LDAH: variants seen among roughly 807,000 people sequenced by gnomAD.
LDAH encodes lipid droplet associated hydrolase, also known as lipid droplet-associated hydrolase.
LDAH carries 26 observed loss-of-function variants against 29.6 expected under a neutral mutation model. That is an observed-to-expected ratio of 0.88 (90% CI 0.64 to 1.22). The LOEUF (loss-of-function observed/expected upper bound fraction) is 1.22, where lower values mean the gene tolerates loss of function less well. LDAH is among the 50% of genes most tolerant of loss of function. The pLI, the probability that LDAH is intolerant of heterozygous loss-of-function variation, is 0.00. For missense variants in LDAH, 344 were observed against 387.3 expected (o/e 0.89, Z 0.94); for synonymous variants, 117 against 133.0 (o/e 0.88, Z 0.83).
intron 1 of LDAH, among the ~76,000 whole-genome samples, chr2:20,822,253 T>C (rs912310208): frequency 5.9e-5 from 9 of 152,012 alleles, no homozygotes; most frequent in African/African-American, 2.2e-4. Flanking sequence ...GTCTCCCGAG[T>C]AGCTGGGACT....
At chr2:20,730,321 T>C (rs181736861) in intron 5 of LDAH, among the ~76,000 whole-genome samples, 2 of 151,814 alleles carry the variant, frequency 1.3e-5, no homozygotes. Flanking sequence ...ATATCAGGGA[T>C]GAATGCCTAG....
chr2:20,805,277 C>T lies in LDAH; in HGVS notation c.-2-3812G>A, dbSNP rs549354810. 1.2e-3 allele frequency among the ~76,000 whole-genome samples: 181 copies of T among 152,204 alleles called. 1 individual carries two copies. Among genetic ancestry groups the T allele is most frequent in the African/African-American group, 4.3e-3 (178 of 41,544 alleles). On this transcript the variant is annotated intron_variant, in intron 1 of 6. Transcript: ENST00000237822. ...ACTCTAACACCTCAAATAAAATAAG[C>T]TGAGAAACATGGAATTAAAATGCTG...
intron 1 of LDAH, among the ~76,000 whole-genome samples, chr2:20,818,103 G>A (rs554826338): frequency 1.6e-4 from 25 of 152,004 alleles, no homozygotes; most frequent in Non-Finnish European, 3.2e-4. Flanking sequence ...TTATAAAGTT[G>A]GTGAAATGGA....
At chr2:20,726,750 G>C (rs955126494) in intron 5 of LDAH, among the ~76,000 whole-genome samples, 1 of 152,162 alleles carries the variant, frequency 6.6e-6, no homozygotes, top group Admixed American at 6.5e-5. Context: ...CAGGACTGTG[G>C]TCATTACGAT....
At chr2:20,755,135 G>GTT (rs1191787531) in intron 4 of LDAH, among the ~76,000 whole-genome samples, 1 of 147,418 alleles carries the variant, frequency 6.8e-6, no homozygotes, top group Non-Finnish European at 1.5e-5. Context: ...GTGTTTGTGT[G>GTT]TGTGTGTGTG....
Position 20,755,129 on chromosome 2 carries a change from TTGTGTG to T in LDAH, c.469-14930_469-14925del, listed in dbSNP as rs70939051. ...AAGAAGAAATATTGTGTGTCTGTGT[TTGTGTG>T]TGTGTGTGTGTGTGTGTGTGTGTGT... On this transcript the variant is annotated intron_variant, in intron 4 of 6. Transcript: ENST00000237822. 5.4e-3 allele frequency among the ~76,000 whole-genome samples: 637 copies of T among 118,168 alleles called. 7 individuals carry two copies. Among genetic ancestry groups the T allele is most frequent in the Middle Eastern group, 0.021 (5 of 242 alleles). The allele number at this position is 118,168 out of a possible 152,430, so 77.5% of individuals were successfully genotyped here. A position where few individuals can be genotyped will look rare whatever the true frequency, so the allele number is the denominator to read the frequency against.
At chr2:20,707,103 T>G (rs1664363915) in intron 5 of LDAH, among the ~76,000 whole-genome samples, 1 of 152,142 alleles carries the variant, frequency 6.6e-6, no homozygotes, top group Non-Finnish European at 1.5e-5. Flanking sequence ...CCACCTCCCT[T>G]AGAAAACTCT....
At chr2:20,759,132 C>T (rs1405572811) in intron 4 of LDAH, among the ~76,000 whole-genome samples, 5 of 152,132 alleles carry the variant, frequency 3.3e-5, no homozygotes, top group African/African-American at 1.2e-4. Context: ...TTTGCAGAAG[C>T]TCCCATAACA....
intron 6 of LDAH, among the ~76,000 whole-genome samples, chr2:20,691,561 T>C (rs1189795437): frequency 1.3e-5 from 2 of 152,190 alleles, no homozygotes; most frequent in Admixed American, 1.3e-4. Context: ...ATAACTGCCA[T>C]GAAAGTACTG....
intron 5 of LDAH, among the ~76,000 whole-genome samples, chr2:20,709,317 C>CA (rs144523373): frequency 0.017 from 2,650 of 151,682 alleles, 28 homozygotes; most frequent in Non-Finnish European, 0.025. Context: ...TTTCCAAATC[C>CA]AAAAAAAATC....
At chr2:20,722,325 A>G (rs1433444353) in intron 5 of LDAH, among the ~76,000 whole-genome samples, 1 of 145,484 alleles carries the variant, frequency 6.9e-6, no homozygotes, top group Non-Finnish European at 1.5e-5. Context: ...GTTTGCAGTG[A>G]GCCGAGATTG....
intron 1 of LDAH, among the ~76,000 whole-genome samples, chr2:20,814,580 C>T (rs1278702926): frequency 6.6e-6 from 1 of 152,140 alleles, no homozygotes; most frequent in Non-Finnish European, 1.5e-5. Context: ...CCAGCCTCCG[C>T]CCCACAAGTA....
intron 5 of LDAH, among the ~76,000 whole-genome samples, chr2:20,732,074 T>C (rs1666450245): frequency 6.6e-6 from 1 of 152,200 alleles, no homozygotes; most frequent in Admixed American, 6.5e-5. Flanking sequence ...CATCTTTGTC[T>C]TGTTTCTAGT....
chr2:20,724,077 A>C (rs895239710), intron 5 of LDAH, among the ~76,000 whole-genome samples: 2 of 152,230 alleles, frequency 1.3e-5, no homozygotes, highest in African/African-American at 4.8e-5. Flanking sequence ...CCAATAGGGC[A>C]TTCATCTCAC....
rs1165077611 is a variant in LDAH, at chr2:20,789,454, TA to T, written c.298+800del. On this transcript the variant is annotated intron_variant, in intron 3 of 6. Transcript: ENST00000237822. ...TCAATTTCCATTTTTAAAAGCTACT[TA>T]GTCTATGGTATTTTGCTATAGCAGC... is the stretch of plus-strand genomic sequence containing the variant. 2.8e-6 allele frequency: 4 copies of T among 1,417,620 alleles called. No individual in the cohort carries two copies. The East Asian group carries it at 7.5e-5, about 27-fold the overall frequency. The allele number at this position is 1,417,620 out of a possible 1,614,324, so 87.8% of individuals were successfully genotyped here.
chr2:20,790,129 A>G (rs1670843328), intron 3 of LDAH, 126 bp downstream of exon 3: 1 of 922,106 alleles, frequency 1.1e-6, no homozygotes, highest in Non-Finnish European at 1.6e-6. Flanking sequence ...TTACCAAAAT[A>G]TGGCACCATG....
chr2:20,748,679 G>A (rs114731431), intron 4 of LDAH, among the ~76,000 whole-genome samples: 3,177 of 152,266 alleles, frequency 0.021, 103 homozygotes, highest in African/African-American at 0.073. Context: ...ATTAAACAGT[G>A]TTCTCCAGGT....
chr2:20,809,971 T>G (rs148652952), intron 1 of LDAH, among the ~76,000 whole-genome samples: 8 of 152,328 alleles, frequency 5.3e-5, no homozygotes, highest in African/African-American at 1.9e-4. Context: ...GAAAATAAAG[T>G]GTTCTCAGGA....
At position 20,703,745 on chromosome 2, in the gene LDAH, C is replaced by T. The variant is rs956992289; in HGVS notation, c.704-2093G>A. ...CTGCTCTAACCTGGACCACTGTCGACTTAGAATTTCCCTTCACTGCCTTCT... is the reference window on the plus strand; with the variant it reads ...CTGCTCTAACCTGGACCACTGTCGATTTAGAATTTCCCTTCACTGCCTTCT... On this transcript the variant is annotated intron_variant, in intron 5 of 6. Coordinates refer to ENST00000237822, the MANE Select transcript of LDAH (RefSeq NM_021925.4). Among the ~76,000 whole-genome samples the T allele has an allele frequency of 2.0e-5, 3 of 152,294 alleles. No homozygotes were observed. In the East Asian group the frequency reaches 5.8e-4, roughly 29 times the overall value.
Sources: allele counts gnomAD v4.1 joint callset (sites outside exome capture counted in the v4.1 genomes callset), GRCh38; gene constraint gnomAD v4.1.1; transcripts MANE v1.5; gene names NCBI Gene and HGNC (gene_info 2026-07-23, HGNC 2026-07-21).